Variants in RASGEF1A observed in about 807,000 individuals in gnomAD.
The protein encoded by RASGEF1A is RasGEF domain family member 1A.
A neutral mutation model predicts 56.4 loss-of-function variants in RASGEF1A; 18 were observed. The observed-to-expected ratio is 0.32, with a 90% confidence interval of 0.22 to 0.47. The LOEUF is 0.47. Among genes scored for constraint, RASGEF1A ranks in the 20% least tolerant of loss-of-function variants. The pLI is 1.00. For missense variants in RASGEF1A, 422 were observed against 627.1 expected (o/e 0.67, Z 3.49); for synonymous variants, 245 against 242.6 (o/e 1.01, Z -0.09).
chr10:43,260,787 G>C (rs1188425041), intron 1 of RASGEF1A, among the ~76,000 whole-genome samples: 1 of 152,176 alleles, frequency 6.6e-6, no homozygotes, highest in Non-Finnish European at 1.5e-5. Context: ...GATCCACAGC[G>C]CTCAGCATTC....
chr10:43,237,048 G>A (rs966387705), intron 1 of RASGEF1A, among the ~76,000 whole-genome samples: 1 of 152,020 alleles, frequency 6.6e-6, no homozygotes, highest in Non-Finnish European at 1.5e-5. Flanking sequence ...AACATTGTAG[G>A]GTATCTCAGG....
At chr10:43,233,342 AGAGACACAAGTGTGAATAAG>A (rs1211828008) in intron 1 of RASGEF1A, among the ~76,000 whole-genome samples, 1 of 152,228 alleles carries the variant, frequency 6.6e-6, no homozygotes, top group Non-Finnish European at 1.5e-5. Flanking sequence ...AGACAGATAC[AGAGACACAAGTGTGAATAAG>A]GATATGGTTG....
chr10:43,227,117 T>C (rs1840289848), intron 1 of RASGEF1A, among the ~76,000 whole-genome samples: 1 of 152,164 alleles, frequency 6.6e-6, no homozygotes, highest in Non-Finnish European at 1.5e-5. Context: ...GAGGTTGACA[T>C]GACAGTTTGG....
rs1840005505 is a variant in RASGEF1A at position 43,207,019 on chromosome 10, C to CT, written c.-6-898dup. 6.1e-6 allele frequency: 6 copies of CT among 985,504 alleles called. No homozygotes were observed. The South Asian group carries it at 2.8e-4, about 46-fold the overall frequency. 61.0% of individuals were successfully genotyped at this position (985,504 alleles called of 1,614,324 possible). Reference sequence around the variant, plus strand: ...CTGCAGCTGGGAGTTCTTGTGAAGCCTAGGGGAGTCTGAAGCCCTCTGGGC... The same window carrying CT: ...CTGCAGCTGGGAGTTCTTGTGAAGCCTTAGGGGAGTCTGAAGCCCTCTGGGC... On this transcript the variant is annotated intron_variant, in intron 1 of 12. Transcript: ENST00000395810.
chr10:43,202,744 C>T, intron 3 of RASGEF1A: 1 of 467,274 alleles, frequency 2.1e-6, no homozygotes, highest in Non-Finnish European at 4.4e-6. Context: ...CAGCCTAGGC[C>T]CCCCACCACC....
At chr10:43,204,771 A>G (rs1399687185) in intron 2 of RASGEF1A, among the ~76,000 whole-genome samples, 1 of 152,152 alleles carries the variant, frequency 6.6e-6, no homozygotes. Flanking sequence ...ACACTGGGTG[A>G]CCGCCAAGGT....
intron 1 of RASGEF1A, chr10:43,209,025 G>A: frequency 1.0e-6 from 1 of 985,508 alleles, no homozygotes; most frequent in Non-Finnish European, 1.2e-6. Context: ...GCTTGTTCTT[G>A]CACCTGCTTC....
intron 1 of RASGEF1A, among the ~76,000 whole-genome samples, chr10:43,209,361 C>T (rs1352608011): frequency 6.6e-6 from 1 of 152,194 alleles, no homozygotes; most frequent in Non-Finnish European, 1.5e-5. Context: ...AGGATTCATG[C>T]CGAGCAAGCA....
intron 1 of RASGEF1A, among the ~76,000 whole-genome samples, chr10:43,239,546 C>G (rs542208755): frequency 2.6e-5 from 4 of 152,224 alleles, no homozygotes; most frequent in African/African-American, 9.6e-5. Context: ...ATAACTGAAT[C>G]TCAGTAAGAA....
intron 1 of RASGEF1A, among the ~76,000 whole-genome samples, chr10:43,245,999 G>C (rs1161386892): frequency 6.6e-6 from 1 of 151,970 alleles, no homozygotes; most frequent in African/African-American, 2.4e-5. Flanking sequence ...CTCATATATA[G>C]GAAGTCCTAA....
At position 43,195,081 on chromosome 10, in the gene RASGEF1A, C is replaced by CAG. The variant is rs10642285; in HGVS notation, c.*1161_*1162dup. 152,110 of 152,346 alleles carry CAG rather than the reference C, an allele frequency of 1. 75,937 individuals carry two copies. Among genetic ancestry groups the CAG allele is most frequent in the Middle Eastern group, 1 (294 of 294 alleles). 9.4% of individuals were successfully genotyped at this position (152,346 alleles called of 1,614,324 possible). ...AAGGCTCCTGCGGAAACTGGGAATG[C>CAG]AGAGGGACAAGGATGCGGAGTTCCT... On this transcript the variant is annotated 3_prime_UTR_variant, in exon 13 of 13. Transcript: ENST00000395810. The surrounding 1 kb of genome is among the most constrained non-coding windows in gnomAD (Gnocchi z 4.2).
intron 1 of RASGEF1A, among the ~76,000 whole-genome samples, chr10:43,209,832 T>C (rs981474400): frequency 3.3e-5 from 5 of 152,114 alleles, no homozygotes; most frequent in Admixed American, 2.0e-4. Context: ...AGACCCTGCA[T>C]GGATGCTCTA....
chr10:43,204,999 G>A (rs1688093153), intron 2 of RASGEF1A, among the ~76,000 whole-genome samples: 1 of 152,250 alleles, frequency 6.6e-6, no homozygotes, highest in Admixed American at 6.5e-5. Flanking sequence ...GATGGAGGAG[G>A]AGGAGGAGTG....
chr10:43,238,085 C>T (rs903859403), intron 1 of RASGEF1A, among the ~76,000 whole-genome samples: 7 of 101,824 alleles, frequency 6.9e-5, no homozygotes. Flanking sequence ...TTGAGACCCG[C>T]CTTTGGGGGG....
In RASGEF1A at chr10:43,220,131, G is replaced by A. The variant is rs528274249; in HGVS notation, c.-6-14009C>T. On this transcript the variant is annotated intron_variant, in intron 1 of 12. Coordinates refer to ENST00000395810, the MANE Select transcript of RASGEF1A (RefSeq NM_145313.4). The stretch of plus-strand genomic sequence containing the variant: ...CCCCTGGCCCTGGGGGCTGGTAACC[G>A]GTGGTTAGACACTGACCAGCCCCAA... Among the ~76,000 whole-genome samples the A allele has an allele frequency of 4.0e-4, 61 of 152,302 alleles. 1 individual carries two copies. In the Middle Eastern group the frequency reaches 0.014, roughly 34 times the overall value.
At chr10:43,215,701 G>C (rs1487470872) in intron 1 of RASGEF1A, among the ~76,000 whole-genome samples, 1 of 152,210 alleles carries the variant, frequency 6.6e-6, no homozygotes, top group African/African-American at 2.4e-5. Context: ...CTAGATACTG[G>C]AGATACACCA....
At chr10:43,262,476 T>G (rs1208729693) in intron 1 of RASGEF1A, among the ~76,000 whole-genome samples, 1 of 151,882 alleles carries the variant, frequency 6.6e-6, no homozygotes, top group Non-Finnish European at 1.5e-5. Flanking sequence ...CCCTCTCCTC[T>G]CCTCTCCCTG....
chr10:43,253,558 A>G (rs2505504), intron 1 of RASGEF1A, among the ~76,000 whole-genome samples: 111,676 of 152,252 alleles, frequency 0.73, 41,308 homozygotes, highest in East Asian at 0.95. Context: ...TGAGGACAAG[A>G]CAGGGTCAGG....
Position 43,203,326 on chromosome 10 carries a change from T to TTCTGCTCCACGCAGA in RASGEF1A, c.278_292dup (p.Ile93_Gln97dup), listed in dbSNP as rs775201427. On this transcript the variant is annotated inframe_insertion, in exon 3 of 13. Coordinates refer to ENST00000395810, the MANE Select transcript of RASGEF1A (RefSeq NM_145313.4). ...TTCAGGCCCGGCTTCCAGCTGCTGC[T>TTCTGCTCCACGCAGA]TCTGCTCCACGCAGATCTGCCCCAC... 1.9e-6 allele frequency: 3 copies of TTCTGCTCCACGCAGA among 1,571,622 alleles called. No individual in the cohort carries two copies. The highest frequency in any genetic ancestry group is 2.6e-6 in the Non-Finnish European group (3 of 1,158,804).
Sources: allele counts gnomAD v4.1 joint callset (sites outside exome capture counted in the v4.1 genomes callset), GRCh38; gene constraint gnomAD v4.1.1; non-coding constraint Gnocchi (gnomAD v3.1); transcripts MANE v1.5; gene names NCBI Gene and HGNC (gene_info 2026-07-23, HGNC 2026-07-21).